The following ZFHX3 variants were observed in gnomAD, a reference collection of about 807,000 sequenced individuals.
The protein encoded by ZFHX3 is zinc finger homeobox 3.
Under a neutral mutation model 279.1 loss-of-function variants are expected in ZFHX3, and 42 were observed. That is an observed-to-expected ratio of 0.15 (90% confidence interval 0.12 to 0.19). The LOEUF (loss-of-function observed/expected upper bound fraction) is 0.19, where lower values mean the gene tolerates loss of function less well. Ranked by LOEUF, ZFHX3 falls within the 10% of genes least tolerant of loss-of-function variation. The probability of loss-of-function intolerance (pLI) is 1.00; values close to 1 mark genes in which losing one functional copy is unlikely to be tolerated. For missense variants in ZFHX3, 4,981 were observed against 4,754.0 expected (o/e 1.05, Z -1.40); for synonymous variants, 2,293 against 1,957.8 (o/e 1.17, Z -4.52).
At chr16:72,988,428 C>T (rs986737206) in intron 1 of ZFHX3, among the ~76,000 whole-genome samples, 1 of 152,210 alleles carries the variant, frequency 6.6e-6, no homozygotes, top group Non-Finnish European at 1.5e-5. Flanking sequence ...CTGTGGCCAT[C>T]GAGGGGTCGA....
At chr16:73,129,520 G>T (rs1221805634) in intron 7 of ZFHX3, among the ~76,000 whole-genome samples, 2 of 151,738 alleles carry the variant, frequency 1.3e-5, no homozygotes, top group Non-Finnish European at 2.9e-5. Flanking sequence ...TTAGGAGATC[G>T]TCTTTGCCCT....
chr16:73,035,750 G>T (rs1186668366), intron 1 of ZFHX3, among the ~76,000 whole-genome samples: 3 of 152,098 alleles, frequency 2.0e-5, no homozygotes, highest in African/African-American at 7.2e-5. Flanking sequence ...ACAAAAATTA[G>T]CCGGGCATGG....
Position 72,795,536 on chromosome 16 carries a change from G to A in ZFHX3, c.7146C>T (p.Cys2382=), listed in dbSNP as rs1266286089. Residue 2382 remains cysteine (C), a synonymous_variant, in exon 9 of 10, where the codon TGC becomes TGT. Coordinates refer to ENST00000268489, the MANE Select transcript of ZFHX3 (RefSeq NM_006885.4). ...AAGCCTGTGAGGGCATCGGGGTACT[G>A]CAGGATGAGCTGGTAGGCGTCAGGA... ...MEILTPTSSS[C]STPMPSQAYS... is the part of the protein sequence containing the mutation. 3.7e-6 allele frequency: 6 copies of A among 1,614,012 alleles called. No homozygotes were observed. Among genetic ancestry groups the A allele is most frequent in the Non-Finnish European group, 5.1e-6 (6 of 1,180,036 alleles).
At chr16:73,409,651 G>T (rs1168657423) in intron 3 of ZFHX3, among the ~76,000 whole-genome samples, 2 of 152,174 alleles carry the variant, frequency 1.3e-5, no homozygotes, top group African/African-American at 4.8e-5. Flanking sequence ...GTATATCAAA[G>T]AAATATCTGT....
intron 3 of ZFHX3, among the ~76,000 whole-genome samples, chr16:73,324,772 G>C (rs1188369950): frequency 6.6e-6 from 1 of 152,176 alleles, no homozygotes; most frequent in African/African-American, 2.4e-5. Flanking sequence ...AGAACTTCTG[G>C]AGAAGATATC....
chr16:73,464,923 C>T (rs1338886647), intron 2 of ZFHX3, among the ~76,000 whole-genome samples: 1 of 152,218 alleles, frequency 6.6e-6, no homozygotes, highest in Non-Finnish European at 1.5e-5. Context: ...AAGGCCTGGA[C>T]ACATGGTGGT....
chr16:73,790,182 T>C (rs929234983), intron 1 of ZFHX3, among the ~76,000 whole-genome samples: 1 of 152,082 alleles, frequency 6.6e-6, no homozygotes. Context: ...ATTGTCCTAA[T>C]TGTTGGCACT....
intron 3 of ZFHX3, among the ~76,000 whole-genome samples, chr16:73,418,111 T>C (rs898490893): frequency 4.0e-5 from 6 of 150,738 alleles, no homozygotes; most frequent in Non-Finnish European, 8.9e-5. Context: ...ACCTTCTAAA[T>C]CCTAAAAGAT....
chr16:73,228,895 CT>C (rs2012685699), intron 5 of ZFHX3, among the ~76,000 whole-genome samples: 1 of 152,116 alleles, frequency 6.6e-6, no homozygotes, highest in African/African-American at 2.4e-5. Context: ...TGGTTTCCTT[CT>C]CCCTTGTGTT....
intron 1 of ZFHX3, among the ~76,000 whole-genome samples, chr16:73,806,602 G>A (rs192549650): frequency 8.5e-4 from 130 of 152,268 alleles, no homozygotes; most frequent in Non-Finnish European, 1.7e-3. Flanking sequence ...TGGTTGGTGG[G>A]GGGGGTCAAG....
intron 3 of ZFHX3, among the ~76,000 whole-genome samples, chr16:72,916,049 C>G (rs967996239): frequency 2.6e-5 from 4 of 152,118 alleles, no homozygotes; most frequent in African/African-American, 9.7e-5. Context: ...CTGGAAATGA[C>G]GGACTGGAAT....
chr16:73,507,058 G>A (rs2019339617), intron 2 of ZFHX3, among the ~76,000 whole-genome samples: 1 of 152,116 alleles, frequency 6.6e-6, no homozygotes, highest in Non-Finnish European at 1.5e-5. Flanking sequence ...GGGTTCTCCT[G>A]TTTTCTACTG....
chr16:73,200,697 T>C (rs942421262), intron 5 of ZFHX3, among the ~76,000 whole-genome samples: 3 of 151,476 alleles, frequency 2.0e-5, no homozygotes, highest in African/African-American at 7.3e-5. Flanking sequence ...AATCACAGAC[T>C]TTTTTTTTAA....
intron 1 of ZFHX3, among the ~76,000 whole-genome samples, chr16:73,778,510 A>G (rs1464186666): frequency 6.6e-6 from 1 of 152,242 alleles, no homozygotes; most frequent in African/African-American, 2.4e-5. Context: ...CAGTGGTAGC[A>G]GCAATATGTA....
At chr16:73,143,271 C>G (rs1047160325) in intron 6 of ZFHX3, among the ~76,000 whole-genome samples, 2 of 151,332 alleles carry the variant, frequency 1.3e-5, no homozygotes, top group African/African-American at 4.9e-5. Context: ...AGAAATGGAC[C>G]CCGAGAAGAG....
intron 4 of ZFHX3, among the ~76,000 whole-genome samples, chr16:72,854,349 G>A (rs539839295): frequency 3.3e-5 from 5 of 152,298 alleles, no homozygotes; most frequent in African/African-American, 9.6e-5. Context: ...AAGAAATGGC[G>A]GTTGTGTGCG....
intron 6 of ZFHX3, among the ~76,000 whole-genome samples, chr16:73,131,844 G>A (rs148646566): frequency 9.9e-5 from 15 of 152,268 alleles, no homozygotes; most frequent in Non-Finnish European, 1.8e-4. Flanking sequence ...CATTTTCTGG[G>A]AAATGGGGAT....
At chr16:72,897,515 C>T (rs1418682284) in intron 3 of ZFHX3, among the ~76,000 whole-genome samples, 1 of 152,044 alleles carries the variant, frequency 6.6e-6, no homozygotes, top group Non-Finnish European at 1.5e-5. Context: ...TCATGGCTTA[C>T]TACAGCCTCA....
At chr16:73,845,888 T>C (rs572973032) in intron 1 of ZFHX3, among the ~76,000 whole-genome samples, 1 of 152,250 alleles carries the variant, frequency 6.6e-6, no homozygotes, top group African/African-American at 2.4e-5. Flanking sequence ...AATCTTGGCT[T>C]ACTGCAGCCT....
Sources: gnomAD v4.1 joint callset for allele counts (sites outside exome capture counted in the v4.1 genomes callset) on GRCh38, gnomAD v4.1.1 for gene constraint, MANE v1.5 for transcripts, NCBI Gene and HGNC (gene_info 2026-07-23, HGNC 2026-07-21) for gene names.